The following MAEA variants were observed in gnomAD, a reference collection of about 807,000 sequenced individuals.
MAEA encodes the protein macrophage erythroblast attacher, E3 ubiquitin ligase, also known as E3 ubiquitin-protein transferase MAEA.
In MAEA, 22 loss-of-function variants were observed where a neutral mutation model predicts 46.2. The observed-to-expected ratio is 0.48, with a 90% CI of 0.34 to 0.68. The LOEUF (loss-of-function observed/expected upper bound fraction) is 0.68. MAEA is among the 30% of genes least tolerant of loss of function. The probability of loss-of-function intolerance (pLI) is 0.01; values close to 1 mark genes in which losing one functional copy is unlikely to be tolerated. For synonymous variants in MAEA, 246 were observed against 222.6 expected (o/e 1.11, Z -0.94); for missense variants, 393 against 558.1 (o/e 0.70, Z 2.98).
intron 6 of MAEA, among the ~76,000 whole-genome samples, chr4:1,333,116 G>C (rs1482497075): frequency 6.6e-6 from 1 of 152,016 alleles, no homozygotes; most frequent in African/African-American, 2.4e-5. Context: ...TGGGAGGACT[G>C]CTTGAGCCCA....
chr4:1,337,301 C>T (rs1712902338), intron 7 of MAEA: 2 of 367,692 alleles, frequency 5.4e-6, no homozygotes, highest in South Asian at 2.6e-5. Context: ...GATTACCATT[C>T]AGAATAGTTT....
At chr4:1,332,902 G>T in intron 6 of MAEA, 37 bp downstream of exon 6, 3 of 1,520,080 alleles carry the variant, frequency 2.0e-6, no homozygotes, top group Non-Finnish European at 2.7e-6. Flanking sequence ...GTCATGCTGG[G>T]GTGGGGATCC....
intron 5 of MAEA, chr4:1,329,945 C>A: frequency 2.0e-6 from 2 of 985,486 alleles, no homozygotes; most frequent in Non-Finnish European, 2.4e-6. Flanking sequence ...GAGCGTCGGG[C>A]ACCATCTACA....
intron 1 of MAEA, among the ~76,000 whole-genome samples, chr4:1,296,828 G>A (rs916127658): frequency 4.6e-5 from 7 of 152,048 alleles, no homozygotes; most frequent in Admixed American, 1.3e-4. Context: ...CCCATCACTC[G>A]GCTCCCGTGA....
rs538728774 is a variant in MAEA, at chr4:1,328,640, G to T, written c.656+937G>T. On this transcript the variant is annotated intron_variant, in intron 5 of 8. Transcript: ENST00000303400. ...ACTCCATATCCACCTGCAGTGGGCCGGGTGGCCGAGTGTTCCACAGAAGGC... is the reference window on the plus strand; with the variant it reads ...ACTCCATATCCACCTGCAGTGGGCCTGGTGGCCGAGTGTTCCACAGAAGGC... 97 of 1,270,010 alleles carry T rather than the reference G, an allele frequency of 7.6e-5. 1 individual carries two copies. The highest frequency in any genetic ancestry group is 4.3e-4 in the Middle Eastern group (2 of 4,614). The allele number at this position is 1,270,010 out of a possible 1,614,324, so 78.7% of individuals were successfully genotyped here. A position where few individuals can be genotyped will look rare whatever the true frequency, so the allele number is the denominator to read the frequency against.
chr4:1,304,230 C>T (rs1172879297), intron 1 of MAEA, among the ~76,000 whole-genome samples: 1 of 152,124 alleles, frequency 6.6e-6, no homozygotes, highest in Non-Finnish European at 1.5e-5. Flanking sequence ...TATGCCCTAG[C>T]TTTCAAAGGT....
Position 1,339,176 on chromosome 4 carries a change from C to T in MAEA, c.*7C>T, listed in dbSNP as rs201972580. The T allele has an allele frequency of 2.0e-5, 32 of 1,610,786 alleles. No homozygotes were observed. The highest frequency in any genetic ancestry group is 2.7e-5 in the African/African-American group (2 of 74,858). ...GAAGGTGTACATCATGTAGGCCCCA[C>T]GTCGTGAAGCGCACGCCTCGGGGAC... is the stretch of plus-strand genomic sequence containing the variant. On this transcript the variant is annotated 3_prime_UTR_variant, in exon 9 of 9. Transcript: ENST00000303400.
intron 4 of MAEA, chr4:1,323,478 GAC>G: frequency 2.8e-6 from 2 of 702,546 alleles, no homozygotes; most frequent in Non-Finnish European, 5.2e-6. Flanking sequence ...AGCCAGGAGT[GAC>G]ACACTGCCAC....
chr4:1,316,543 C>A (rs1231214573), intron 3 of MAEA, among the ~76,000 whole-genome samples: 1 of 152,066 alleles, frequency 6.6e-6, no homozygotes, highest in African/African-American at 2.4e-5. Context: ...GCCCAGCCTC[C>A]CCATGCCCAG....
In MAEA at chr4:1,328,614, G is replaced by A. The variant is rs1450701691; in HGVS notation, c.656+911G>A. 1.2e-5 allele frequency: 15 copies of A among 1,231,902 alleles called. No individual in the cohort carries two copies. In the East Asian group the frequency reaches 5.3e-4, roughly 44 times the overall value. The allele number at this position is 1,231,902 out of a possible 1,614,324, so 76.3% of individuals were successfully genotyped here. On this transcript the variant is annotated intron_variant, in intron 5 of 8. Transcript: ENST00000303400. ...TCCATGCCCACAGAAACCCGACCGC[G>A]ACTCCATATCCACCTGCAGTGGGCC...
rs556754051 is a variant in MAEA at position 1,299,015 on chromosome 4, G to C, written c.69+9033G>C. Among the ~76,000 whole-genome samples, 5 of 152,172 alleles carry C rather than the reference G, an allele frequency of 3.3e-5. No homozygotes were observed. In the South Asian group the frequency reaches 1.0e-3, roughly 32 times the overall value. ...TCCTGCCTCAGCCTCCCGGGTAACT[G>C]GGACCACGGGCGCCTGCTTCCGTGT... On this transcript the variant is annotated intron_variant, in intron 1 of 8. Coordinates refer to ENST00000303400, the MANE Select transcript of MAEA (RefSeq NM_001017405.3).
chr4:1,328,297 C>T (rs537496935), intron 5 of MAEA, among the ~76,000 whole-genome samples: 83 of 152,316 alleles, frequency 5.4e-4, no homozygotes, highest in African/African-American at 1.7e-3. Flanking sequence ...GGGTGCACGG[C>T]GTCTGCAAAG....
At chr4:1,318,119 C>T in intron 3 of MAEA, among the ~76,000 whole-genome samples, 1 of 152,208 alleles carries the variant, frequency 6.6e-6, no homozygotes, top group Non-Finnish European at 1.5e-5. Flanking sequence ...CGGCTTCCCC[C>T]AATGCACAGG....
intron 6 of MAEA, chr4:1,335,148 G>C: frequency 1.0e-6 from 1 of 985,452 alleles, no homozygotes; most frequent in Non-Finnish European, 1.2e-6. Flanking sequence ...TTTAGGGACA[G>C]ACATTCATCA....
Position 1,312,099 on chromosome 4 carries a change from G to C in MAEA, c.190G>C (p.Val64Leu). ...LEKTLSGCPAVDSVVSLLDGV... is the reference protein window; with the variant it reads ...LEKTLSGCPALDSVVSLLDGV... ...GAAGACGTTGAGCGGCTGCCCCGCC[G>C]TGGACTCCGTGGTCAGCCTGCTGGA... is the stretch of plus-strand genomic sequence containing the variant. Residue 64 changes from valine to leucine, a missense_variant, in exon 2 of 9, where the codon GTG (valine) becomes CTG (leucine). By Grantham distance (32) the Val-to-Leu change is conservative (BLOSUM62 1). This residue lies in a region of MAEA where 358 missense variants were observed against 537.9 expected (regional missense o/e 0.67). Transcript: ENST00000303400. 1 of 1,613,866 alleles carries C rather than the reference G, an allele frequency of 6.2e-7. No homozygotes were observed. Among genetic ancestry groups the C allele is most frequent in the Non-Finnish European group, 8.5e-7 (1 of 1,180,052 alleles).
At chr4:1,315,942 C>G (rs565097848) in intron 3 of MAEA, among the ~76,000 whole-genome samples, 8 of 138,728 alleles carry the variant, frequency 5.8e-5, no homozygotes, top group Non-Finnish European at 1.1e-4. Context: ...GTGAGGGCCT[C>G]CTCCCCAGCT....
In MAEA at chr4:1,339,752, C is replaced by T. The variant is rs570881478; in HGVS notation, c.*583C>T. The T allele has an allele frequency of 3.5e-4, 54 of 155,136 alleles. 1 individual carries two copies. The South Asian group carries it at 0.01, about 30-fold the overall frequency. 9.6% of individuals were successfully genotyped at this position (155,136 alleles called of 1,614,324 possible). A position where few individuals can be genotyped will look rare whatever the true frequency, so the allele number is the denominator to read the frequency against. On this transcript the variant is annotated 3_prime_UTR_variant, in exon 9 of 9. Coordinates refer to ENST00000303400, the MANE Select transcript of MAEA (RefSeq NM_001017405.3). ...GCCCGCCTGCCTCGCGGGTCGTGTC[C>T]GCGGGACTGTGTTCGTACGTGCATA...
rs752022828 is a variant in MAEA at position 1,289,933 on chromosome 4, C to T, written c.20C>T (p.Ala7Val). The T allele has an allele frequency of 9.4e-6, 15 of 1,600,648 alleles. No individual in the cohort carries two copies. In the Admixed American group the frequency reaches 1.5e-4, roughly 16 times the overall value. The change falls in exon 1 of 9, where the codon GCG (alanine) becomes GTG (valine). Residue 7 changes from alanine (A) to valine (V), a missense_variant. Around this residue, in one of 2 missense-constraint regions of MAEA, gnomAD observed 35 missense variants for 20.1 expected, o/e 1.74. Transcript: ENST00000303400. MAVQES[A>V]AQLSMTLKVQ... ...TTCAAGATGGCGGTGCAGGAGTCGG[C>T]GGCTCAGTTGTCCATGACCCTGAAG... is the stretch of plus-strand genomic sequence containing the variant.
chr4:1,328,018 G>T (rs1739068382), intron 5 of MAEA, among the ~76,000 whole-genome samples: 2 of 152,362 alleles, frequency 1.3e-5, no homozygotes, highest in South Asian at 4.1e-4. Context: ...CAGGCTCCCG[G>T]CACCCCCTTT....
Sources: allele counts gnomAD v4.1 joint callset (sites outside exome capture counted in the v4.1 genomes callset), GRCh38; gene constraint gnomAD v4.1.1; regional missense constraint gnomAD v4.1.1; transcripts MANE v1.5; gene names NCBI Gene and HGNC (gene_info 2026-07-23, HGNC 2026-07-21).